The following SCTR variants were observed in gnomAD, a reference collection of about 807,000 sequenced individuals.
SCTR encodes the protein pancreatic secretin receptor.
SCTR carries 56 observed loss-of-function variants against 60.8 expected under a neutral mutation model. The ratio of observed to expected loss-of-function variants is 0.92; its 90% confidence interval spans 0.74 to 1.15. The LOEUF is 1.15. Among genes scored for constraint, SCTR ranks in the 50% most tolerant of loss-of-function variants. SCTR has a pLI of 0.00. For missense variants in SCTR, 562 were observed against 550.4 expected, an observed-to-expected ratio of 1.02 and a Z score of -0.21; for synonymous variants, 202 against 217.0, an observed-to-expected ratio of 0.93 and a Z score of 0.61.
intron 2 of SCTR, chr2:119,484,657 C>G (rs939390442): frequency 2.1e-5 from 3 of 142,092 alleles, no homozygotes; most frequent in Non-Finnish European, 4.7e-5. Context: ...CTTCTTTTTT[C>G]TTCTCCTGTT....
intron 4 of SCTR, among the ~76,000 whole-genome samples, chr2:119,472,467 G>A (rs1677065228): frequency 6.6e-6 from 1 of 152,214 alleles, no homozygotes; most frequent in Admixed American, 6.5e-5. Flanking sequence ...GTGATGCAGA[G>A]TGAGCTGAGC....
At chr2:119,455,207 C>T (rs998288082) in intron 7 of SCTR, among the ~76,000 whole-genome samples, 3 of 152,170 alleles carry the variant, frequency 2.0e-5, no homozygotes, top group Non-Finnish European at 4.4e-5. Context: ...TGCCACTGCA[C>T]GCTGGAGATG....
chr2:119,488,342 C>T (rs928844837), intron 2 of SCTR, among the ~76,000 whole-genome samples: 10 of 152,192 alleles, frequency 6.6e-5, no homozygotes, highest in Non-Finnish European at 1.3e-4. Context: ...GCCAGGGGAG[C>T]CCTTTTCTTA....
chr2:119,492,521 T>C (rs1678168869), intron 2 of SCTR, among the ~76,000 whole-genome samples: 1 of 152,250 alleles, frequency 6.6e-6, no homozygotes, highest in African/African-American at 2.4e-5. Context: ...TTATTTTTCT[T>C]TCCCGCTGTC....
At chr2:119,504,245 C>G (rs1050976077) in intron 1 of SCTR, among the ~76,000 whole-genome samples, 7 of 152,278 alleles carry the variant, frequency 4.6e-5, no homozygotes, top group African/African-American at 1.7e-4. Context: ...TCACACTTTA[C>G]ACAAAAATTA....
intron 2 of SCTR, chr2:119,479,322 G>A (rs1295015972): frequency 1.1e-5 from 11 of 989,092 alleles, no homozygotes; most frequent in African/African-American, 1.7e-5. Context: ...ACTACCTGGG[G>A]AGCTTTAGAA....
intron 1 of SCTR, among the ~76,000 whole-genome samples, chr2:119,495,978 C>T (rs752823942): frequency 1.2e-4 from 18 of 152,220 alleles, no homozygotes; most frequent in Admixed American, 3.9e-4. Context: ...CATTTAGACT[C>T]TTGATTGGAA....
At chr2:119,484,340 G>T (rs1677767667) in intron 2 of SCTR, among the ~76,000 whole-genome samples, 2 of 152,196 alleles carry the variant, frequency 1.3e-5, no homozygotes, top group Non-Finnish European at 2.9e-5. Context: ...TGGCTGGAGG[G>T]GATGGGATGG....
chr2:119,508,014 T>C (rs1481755065), intron 1 of SCTR, among the ~76,000 whole-genome samples: 1 of 152,132 alleles, frequency 6.6e-6, no homozygotes, highest in Non-Finnish European at 1.5e-5. Context: ...TTCTTCCCTT[T>C]CTCTAGTATA....
At chr2:119,462,485 T>C (rs1021254538) in intron 6 of SCTR, among the ~76,000 whole-genome samples, 6 of 152,196 alleles carry the variant, frequency 3.9e-5, no homozygotes, top group Non-Finnish European at 7.4e-5. Flanking sequence ...CTGATTATGG[T>C]AAAAATGGCC....
chr2:119,473,074 T>G (rs1677091518), intron 4 of SCTR, among the ~76,000 whole-genome samples: 1 of 152,236 alleles, frequency 6.6e-6, no homozygotes. Context: ...ACGTAGTGAT[T>G]AAATCTTCCC....
intron 1 of SCTR, among the ~76,000 whole-genome samples, chr2:119,501,087 G>C (rs1245980457): frequency 1.3e-5 from 2 of 152,136 alleles, no homozygotes; most frequent in Non-Finnish European, 2.9e-5. Flanking sequence ...GACAAATATT[G>C]CATGTTGTCA....
At chr2:119,487,939 G>T (rs577483067) in intron 2 of SCTR, among the ~76,000 whole-genome samples, 1 of 152,096 alleles carries the variant, frequency 6.6e-6, no homozygotes, top group African/African-American at 2.4e-5. Flanking sequence ...ATAGAGTCTC[G>T]GTGCTGGGAG....
chr2:119,508,643 C>T (rs756015859), intron 1 of SCTR, among the ~76,000 whole-genome samples: 1 of 152,030 alleles, frequency 6.6e-6, no homozygotes, highest in African/African-American at 2.4e-5. Context: ...CCTGCCTCAG[C>T]CTCCCAAAGT....
intron 2 of SCTR, among the ~76,000 whole-genome samples, chr2:119,481,021 C>A (rs1677576725): frequency 6.6e-6 from 1 of 152,240 alleles, no homozygotes; most frequent in African/African-American, 2.4e-5. Context: ...AGAGGAAGAG[C>A]TCAAAGCCCA....
chr2:119,440,505 C>G (rs992299324), intron 12 of SCTR, among the ~76,000 whole-genome samples: 1 of 152,224 alleles, frequency 6.6e-6, no homozygotes. Context: ...GACTTGTGCA[C>G]CTTGGGACAA....
intron 1 of SCTR, among the ~76,000 whole-genome samples, chr2:119,520,818 C>T (rs1367255610): frequency 6.6e-6 from 1 of 152,194 alleles, no homozygotes; most frequent in Non-Finnish European, 1.5e-5. Flanking sequence ...TGCCGTATCA[C>T]CAACCCCACT....
intron 11 of SCTR, among the ~76,000 whole-genome samples, chr2:119,444,246 CACATATACATATGAATATAT>C (rs1682780552): frequency 7.2e-6 from 1 of 139,094 alleles, no homozygotes; most frequent in Non-Finnish European, 1.5e-5. Flanking sequence ...TGAATATATA[CACATATACATATGAATATAT>C]ACATATATAC....
chr2:119,489,123 G>A (rs1003733092), intron 2 of SCTR, among the ~76,000 whole-genome samples: 3 of 152,106 alleles, frequency 2.0e-5, no homozygotes, highest in Non-Finnish European at 4.4e-5. Context: ...AGGCAGAGCC[G>A]GCTCACCACT....
Sources: gnomAD v4.1 joint callset for allele counts (sites outside exome capture counted in the v4.1 genomes callset) on GRCh38, gnomAD v4.1.1 for gene constraint, MANE v1.5 for transcripts, NCBI Gene and HGNC (gene_info 2026-07-23, HGNC 2026-07-21) for gene names.